The following PRH1 variants were observed in gnomAD, a reference collection of about 807,000 sequenced individuals.
The protein encoded by PRH1 is proline rich protein HaeIII subfamily 1.
A neutral mutation model predicts 7.9 loss-of-function variants in PRH1; 7 were observed. That is an observed-to-expected ratio of 0.89 (90% confidence interval 0.50 to 1.67). PRH1 has a LOEUF of 1.67. PRH1 is among the 40% of genes most tolerant of loss of function. The probability of loss-of-function intolerance (pLI) is 0.00; values close to 1 mark genes in which losing one functional copy is unlikely to be tolerated. For synonymous variants in PRH1, 45 were observed against 80.8 expected (o/e 0.56, Z 2.38); for missense variants, 109 against 223.6 (o/e 0.49, Z 3.27).
At chr12:11,031,969 T>C (rs1942244465) in intron 1 of PRH1, among the ~76,000 whole-genome samples, 1 of 152,224 alleles carries the variant, frequency 6.6e-6, no homozygotes, top group South Asian at 2.1e-4. Context: ...TTTTAATTGT[T>C]GTGACCAGTG....
chr12:11,142,517 C>T (rs193153330), intron 1 of PRH1, among the ~76,000 whole-genome samples: 2 of 152,268 alleles, frequency 1.3e-5, no homozygotes, highest in East Asian at 3.9e-4. Flanking sequence ...TGAAACACAA[C>T]TGAGAGTCCA....
At chr12:10,949,487 C>T (rs1022952495) in intron 2 of PRH1, among the ~76,000 whole-genome samples, 2 of 152,128 alleles carry the variant, frequency 1.3e-5, no homozygotes, top group Non-Finnish European at 2.9e-5. Flanking sequence ...CTAGATTATA[C>T]CTTCTTTTAA....
At chr12:11,159,364 T>A (rs1378203762) in intron 1 of PRH1, 1 of 150,588 alleles carries the variant, frequency 6.6e-6, no homozygotes, top group Non-Finnish European at 1.5e-5. Flanking sequence ...AAATTGGCTA[T>A]CTTAAGCAAG....
intron 1 of PRH1, among the ~76,000 whole-genome samples, chr12:11,011,942 G>T (rs1478348190): frequency 6.6e-6 from 1 of 152,030 alleles, no homozygotes; most frequent in Non-Finnish European, 1.5e-5. Flanking sequence ...AGTTGAAATA[G>T]CCCTAATTTC....
rs1944824261 is a variant in PRH1, at chr12:11,089,941, G to A, written n.124-42753C>T. Among the ~76,000 whole-genome samples, 3 of 114,504 alleles carry A rather than the reference G, an allele frequency of 2.6e-5. 1 individual carries two copies. Among genetic ancestry groups the A allele is most frequent in the Non-Finnish European group, 6.2e-5 (3 of 48,214 alleles). The allele number at this position is 114,504 out of a possible 152,430, so 75.1% of individuals were successfully genotyped here. ...TTCCTTAGAGGAAGGATTCTGCTTGGATAAGCCTGTAATCTTAACCTGAGA... is the reference window on the plus strand; with the variant it reads ...TTCCTTAGAGGAAGGATTCTGCTTGAATAAGCCTGTAATCTTAACCTGAGA... On this transcript the variant is annotated intron_variant and non_coding_transcript_variant, in intron 1 of 4. Transcript: ENST00000541977.
At chr12:11,127,453 T>G (rs367920801) in intron 1 of PRH1, among the ~76,000 whole-genome samples, 14 of 152,416 alleles carry the variant, frequency 9.2e-5, no homozygotes, top group African/African-American at 3.4e-4. Flanking sequence ...GTTGAATCAT[T>G]TTTTCAATGC....
At chr12:10,964,169 T>C (rs1938388603) in intron 2 of PRH1, among the ~76,000 whole-genome samples, 1 of 152,258 alleles carries the variant, frequency 6.6e-6, no homozygotes, top group Non-Finnish European at 1.5e-5. Context: ...TTTCTTACAA[T>C]ATTTTCTATA....
At chr12:10,899,910 T>C (rs1292092948) in intron 2 of PRH1, among the ~76,000 whole-genome samples, 3 of 152,212 alleles carry the variant, frequency 2.0e-5, no homozygotes, top group Admixed American at 2.0e-4. Flanking sequence ...TGTCTATTTT[T>C]AAAAATTGAA....
intron 2 of PRH1, among the ~76,000 whole-genome samples, chr12:10,920,301 T>G (rs1409133744): frequency 6.7e-6 from 1 of 149,540 alleles, no homozygotes; most frequent in Non-Finnish European, 1.5e-5. Flanking sequence ...TAGGACTGTT[T>G]TGTCAATTTG....
intron 2 of PRH1, among the ~76,000 whole-genome samples, chr12:10,953,835 A>C (rs887600371): frequency 6.6e-6 from 1 of 152,204 alleles, no homozygotes; most frequent in Non-Finnish European, 1.5e-5. Flanking sequence ...GCGAAAATGA[A>C]AGAAAAAGTG....
intron 2 of PRH1, among the ~76,000 whole-genome samples, chr12:10,915,207 G>A (rs1373017414): frequency 6.6e-6 from 1 of 152,162 alleles, no homozygotes; most frequent in Non-Finnish European, 1.5e-5. Flanking sequence ...TTACATCCAT[G>A]TTAAAAATTC....
At chr12:10,999,883 G>GTT (rs1468977046) in intron 1 of PRH1, among the ~76,000 whole-genome samples, 1 of 152,004 alleles carries the variant, frequency 6.6e-6, no homozygotes, top group Non-Finnish European at 1.5e-5. Context: ...TAGTTACATA[G>GTT]TTGCATGTAC....
upstream of PRH1, chr12:11,048,699 T>C (rs1943012492): frequency 4.4e-6 from 2 of 459,106 alleles, no homozygotes; most frequent in South Asian, 2.7e-5. Context: ...GAGTGCAGGG[T>C]GTGACGTTTG....
At chr12:10,946,017 G>C (rs947432584) in intron 2 of PRH1, among the ~76,000 whole-genome samples, 1 of 152,032 alleles carries the variant, frequency 6.6e-6, no homozygotes. Context: ...TTTTCAAGGT[G>C]CCCAGATTTC....
At position 10,921,304 on chromosome 12, in the gene PRH1, A is replaced by T. The variant is rs116121371; in HGVS notation, c.-58-37029T>A. Among the ~76,000 whole-genome samples the T allele has an allele frequency of 3.7e-3, 564 of 152,150 alleles. 8 individuals are homozygous for T. The highest frequency in any genetic ancestry group is 0.013 in the African/African-American group (534 of 41,540). ...TTTTTTATAAATCCATCTGAATTTG[A>T]TATCTTGTGTATATTTTGATAGTCC... On this transcript the variant is annotated intron_variant, in intron 2 of 3. Transcript: ENST00000539853.
chr12:11,102,855 A>G (rs1165735993), intron 1 of PRH1, among the ~76,000 whole-genome samples: 3 of 152,242 alleles, frequency 2.0e-5, no homozygotes, highest in Admixed American at 6.5e-5. Context: ...AAAAAAATCA[A>G]ACAACCCCAT....
Position 11,004,738 on chromosome 12 carries a change from T to C in PRH1, c.-125-31017A>G, listed in dbSNP as rs192476459. On this transcript the variant is annotated intron_variant, in intron 1 of 3. Transcript: ENST00000539853. ...CTTTTTTGTTATGAACAAGTGTAAT[T>C]ATACTGGAGATATTTCCTTTAATCA... Among the ~76,000 whole-genome samples, 470 of 152,268 alleles carry C rather than the reference T, an allele frequency of 3.1e-3. 1 individual carries two copies. The highest frequency in any genetic ancestry group is 5.0e-3 in the Non-Finnish European group (338 of 68,006).
intron 2 of PRH1, among the ~76,000 whole-genome samples, chr12:10,912,091 T>G (rs72656639): frequency 0.066 from 9,992 of 152,248 alleles, 589 homozygotes; most frequent in South Asian, 0.25. Flanking sequence ...TTTCTAAAAT[T>G]AATCATGTTG....
At chr12:10,903,498 C>A (rs1591661990) in intron 2 of PRH1, among the ~76,000 whole-genome samples, 1 of 150,458 alleles carries the variant, frequency 6.6e-6, no homozygotes. Flanking sequence ...AAAAAACGCT[C>A]AAATAATTAG....
Sources: allele counts gnomAD v4.1 joint callset (sites outside exome capture counted in the v4.1 genomes callset), GRCh38; gene constraint gnomAD v4.1.1; transcripts MANE v1.5; gene names NCBI Gene and HGNC (gene_info 2026-07-23, HGNC 2026-07-21).